The following DCDC1 variants were observed in gnomAD, a reference collection of about 807,000 sequenced individuals.
DCDC1 encodes the protein doublecortin domain containing 1.
A neutral mutation model predicts 178.3 loss-of-function variants in DCDC1; 200 were observed. That is an observed-to-expected ratio of 1.12 (90% confidence interval 1.00 to 1.26). DCDC1 has a LOEUF of 1.26. Among genes scored for constraint, DCDC1 ranks in the 50% most tolerant of loss-of-function variants. The pLI, the probability that DCDC1 is intolerant of heterozygous loss-of-function variation, is 0.00. For missense variants in DCDC1, 1,983 were observed against 1,749.2 expected (o/e 1.13, Z -2.38); for synonymous variants, 690 against 604.8 (o/e 1.14, Z -2.07).
At chr11:30,991,704 A>G (rs1950996174) in intron 20 of DCDC1, among the ~76,000 whole-genome samples, 1 of 152,194 alleles carries the variant, frequency 6.6e-6, no homozygotes, top group Non-Finnish European at 1.5e-5. Context: ...TACTTCTGGA[A>G]TTATTCAGTA....
chr11:30,895,085 T>A (rs1230071453), intron 34 of DCDC1, among the ~76,000 whole-genome samples: 7 of 152,238 alleles, frequency 4.6e-5, no homozygotes, highest in Admixed American at 3.9e-4. Flanking sequence ...AATTGTTTTC[T>A]TTTTCTGTGT....
intron 8 of DCDC1, among the ~76,000 whole-genome samples, chr11:31,254,536 T>C (rs759398777): frequency 6.6e-6 from 1 of 152,204 alleles, no homozygotes; most frequent in Non-Finnish European, 1.5e-5. Context: ...GAAGTACAAA[T>C]AGCTTACTAT....
chr11:31,175,045 T>C (rs1480842890), intron 9 of DCDC1, among the ~76,000 whole-genome samples: 1 of 152,042 alleles, frequency 6.6e-6, no homozygotes, highest in African/African-American at 2.4e-5. Flanking sequence ...GAAGGAAAGA[T>C]AAAAGGAGAG....
In DCDC1 at chr11:30,882,562, C is replaced by T. The variant is rs745686774; in HGVS notation, c.5083-1254G>A. On this transcript the variant is annotated intron_variant, in intron 36 of 38. Transcript: ENST00000684477. Reference sequence around the variant, plus strand: ...CAGCCCTACTCCTGCCAAATACCATCCAGTCAGAAGCAATTTGATTAAATA... The same window carrying T: ...CAGCCCTACTCCTGCCAAATACCATTCAGTCAGAAGCAATTTGATTAAATA... 4 of 152,010 alleles carry T rather than the reference C, an allele frequency of 2.6e-5. No individual in the cohort carries two copies. The South Asian group carries it at 8.3e-4, about 32-fold the overall frequency. The allele number at this position is 152,010 out of a possible 1,614,324, so 9.4% of individuals were successfully genotyped here. A position where few individuals can be genotyped will look rare whatever the true frequency, so the allele number is the denominator to read the frequency against.
rs1475782507 is a variant in DCDC1, at chr11:31,074,126, G to A, written c.2298+3739C>T. On this transcript the variant is annotated intron_variant, in intron 18 of 38. Transcript: ENST00000684477. The stretch of plus-strand genomic sequence containing the variant: ...AGAATATAAGAATGGCAGGTATAGG[G>A]GAAATGGAAGGTATAGAAAGATGCC... Among the ~76,000 whole-genome samples, 6 of 152,120 alleles carry A rather than the reference G, an allele frequency of 3.9e-5. No homozygotes were observed. In the East Asian group the frequency reaches 1.2e-3, roughly 29 times the overall value.
chr11:31,239,252 T>C (rs896214359), intron 9 of DCDC1, among the ~76,000 whole-genome samples: 1 of 152,060 alleles, frequency 6.6e-6, no homozygotes, highest in Non-Finnish European at 1.5e-5. Flanking sequence ...TAGAAAAGGC[T>C]ATACCAAAGG....
rs190358086 is a variant in DCDC1, at chr11:31,365,773, G to A, written c.-125+3924C>T. 3.3e-4 allele frequency among the ~76,000 whole-genome samples: 50 copies of A among 152,150 alleles called. No individual in the cohort carries two copies. The East Asian group carries it at 7.1e-3, about 22-fold the overall frequency. On this transcript the variant is annotated intron_variant, in intron 1 of 38. Transcript: ENST00000684477. Reference sequence around the variant, plus strand: ...TCTGGGAATCAAATATTTAATATACGCCTACCTTGGTTATGTTAGATGCTG... The same window carrying A: ...TCTGGGAATCAAATATTTAATATACACCTACCTTGGTTATGTTAGATGCTG...
intron 9 of DCDC1, among the ~76,000 whole-genome samples, chr11:31,226,954 T>C (rs1975050643): frequency 6.6e-6 from 1 of 151,954 alleles, no homozygotes; most frequent in Admixed American, 6.6e-5. Context: ...ACGACAACAG[T>C]GGCACAAAGA....
At chr11:31,342,846 A>T (rs1950616521) in intron 1 of DCDC1, among the ~76,000 whole-genome samples, 1 of 152,240 alleles carries the variant, frequency 6.6e-6, no homozygotes, top group African/African-American at 2.4e-5. Context: ...ACTATTCAAA[A>T]ATAACCTGAA....
chr11:31,153,819 A>ACACACACACACACACACACACAC (rs1565356578), intron 9 of DCDC1, among the ~76,000 whole-genome samples: 2 of 45,776 alleles, frequency 4.4e-5, no homozygotes, highest in Non-Finnish European at 4.0e-5. Context: ...CACACACACA[A>ACACACACACACACACACACACAC]TTACCATAAC....
chr11:31,153,785 AACAC>A (rs141063677), intron 9 of DCDC1, among the ~76,000 whole-genome samples: 227 of 132,690 alleles, frequency 1.7e-3, no homozygotes, highest in Non-Finnish European at 1.1e-3. Flanking sequence ...TCAGTCTTAA[AACAC>A]ACACACACAC....
intron 7 of DCDC1, among the ~76,000 whole-genome samples, chr11:31,266,465 A>C (rs1165272648): frequency 2.0e-5 from 3 of 152,212 alleles, no homozygotes; most frequent in African/African-American, 7.2e-5. Flanking sequence ...ATAGGTTTTC[A>C]GAAGTAACTT....
At chr11:31,047,332 G>T (rs1404707193) in intron 20 of DCDC1, among the ~76,000 whole-genome samples, 1 of 151,392 alleles carries the variant, frequency 6.6e-6, no homozygotes, top group Non-Finnish European at 1.5e-5. Context: ...TGTCATTGTT[G>T]AACAGAAAAA....
chr11:30,957,187 A>G (rs1948819155), intron 20 of DCDC1, among the ~76,000 whole-genome samples: 1 of 151,974 alleles, frequency 6.6e-6, no homozygotes, highest in African/African-American at 2.4e-5. Flanking sequence ...TTCTGCTGTT[A>G]ATTTTCCTTC....
At chr11:30,901,359 T>C (rs951830534) in intron 32 of DCDC1, among the ~76,000 whole-genome samples, 3 of 152,202 alleles carry the variant, frequency 2.0e-5, no homozygotes, top group Non-Finnish European at 4.4e-5. Context: ...TAGGGCTTAT[T>C]ATCAGTCCTC....
At chr11:31,089,101 C>T (rs779383593) in intron 17 of DCDC1, among the ~76,000 whole-genome samples, 5 of 152,156 alleles carry the variant, frequency 3.3e-5, no homozygotes, top group Non-Finnish European at 7.4e-5. Context: ...TCTAACATTG[C>T]TTGTCATGAA....
chr11:31,311,377 T>C (rs2137656447), intron 3 of DCDC1, among the ~76,000 whole-genome samples: 1 of 152,290 alleles, frequency 6.6e-6, no homozygotes, highest in East Asian at 1.9e-4. Context: ...GGGTGGGGAC[T>C]TGCATGGCCT....
intron 6 of DCDC1, among the ~76,000 whole-genome samples, chr11:31,298,085 C>A (rs569058770): frequency 6.6e-6 from 1 of 152,152 alleles, no homozygotes; most frequent in African/African-American, 2.4e-5. Flanking sequence ...TCAGATATTC[C>A]GAGTTCACAA....
At chr11:31,264,830 A>G (rs772228649) in intron 8 of DCDC1, among the ~76,000 whole-genome samples, 4 of 152,164 alleles carry the variant, frequency 2.6e-5, no homozygotes, top group African/African-American at 4.8e-5. Context: ...GCTAAAACCA[A>G]TTGTTCTCAT....
Sources: allele counts gnomAD v4.1 joint callset (sites outside exome capture counted in the v4.1 genomes callset), GRCh38; gene constraint gnomAD v4.1.1; transcripts MANE v1.5; gene names NCBI Gene and HGNC (gene_info 2026-07-23, HGNC 2026-07-21).